Variants in TECPR2 observed in about 807,000 individuals in gnomAD.
TECPR2 encodes tectonin beta-propeller repeat-containing protein 2.
A neutral mutation model predicts 138.1 loss-of-function variants in TECPR2; 65 were observed. That is an observed-to-expected ratio of 0.47 (90% CI 0.39 to 0.58). TECPR2 has a LOEUF of 0.58. Among genes scored for constraint, TECPR2 ranks in the 20% least tolerant of loss-of-function variants. The pLI, the probability that TECPR2 is intolerant of heterozygous loss-of-function variation, is 0.00. For synonymous variants in TECPR2, 746 were observed against 749.8 expected (o/e 0.99, Z 0.08); for missense variants, 1,553 against 1,824.5 (o/e 0.85, Z 2.71).
At chr14:102,491,669 T>A (rs1455505471) in intron 17 of TECPR2, among the ~76,000 whole-genome samples, 1 of 152,146 alleles carries the variant, frequency 6.6e-6, no homozygotes, top group Non-Finnish European at 1.5e-5. Flanking sequence ...AACCCTGAGC[T>A]ACCCTCAGTT....
intron 2 of TECPR2, among the ~76,000 whole-genome samples, chr14:102,394,460 G>A (rs998718810): frequency 6.6e-6 from 1 of 152,042 alleles, no homozygotes; most frequent in Non-Finnish European, 1.5e-5. Context: ...AAATTAGCTG[G>A]GTGTGGTGGC....
Position 102,434,324 on chromosome 14 carries a change from G to C in TECPR2, c.1507G>C (p.Asp503His), listed in dbSNP as rs1237034369. Residue 503 changes from aspartate to histidine, a missense_variant, in exon 9 of 20, where the codon GAC becomes CAC. Coordinates refer to ENST00000359520, the MANE Select transcript of TECPR2 (RefSeq NM_014844.5). ...PGDSPQSLNT[D>H]LLSMTSSVLG... ...GGACAGTCCCCAGTCCTTGAACACA[G>C]ACTTGCTGTCGATGACCTCAAGTGT... 5.5e-6 allele frequency: 8 copies of C among 1,462,278 alleles called. No individual in the cohort carries two copies. The highest frequency in any genetic ancestry group is 1.7e-5 in the South Asian group (1 of 59,810). The allele number at this position is 1,462,278 out of a possible 1,614,324, so 90.6% of individuals were successfully genotyped here. A position where few individuals can be genotyped will look rare whatever the true frequency, so the allele number is the denominator to read the frequency against.
At chr14:102,413,697 A>G (rs1888945520) in intron 4 of TECPR2, among the ~76,000 whole-genome samples, 1 of 152,156 alleles carries the variant, frequency 6.6e-6, no homozygotes, top group Non-Finnish European at 1.5e-5. Context: ...CTTTTCTGTA[A>G]AAGTAACTTA....
rs145808640 is a variant in TECPR2 at position 102,420,619 on chromosome 14, C to T, written c.639-4360C>T. On this transcript the variant is annotated intron_variant, in intron 5 of 19. Coordinates refer to ENST00000359520, the MANE Select transcript of TECPR2 (RefSeq NM_014844.5). The surrounding 1 kb of genome is among the most constrained non-coding windows in gnomAD (Gnocchi z 4.1). ...TCCCGAGTAACTAGGACTACAGGCACGCACCACCATGCCTGGCTAAATTTT... is the reference window on the plus strand; with the variant it reads ...TCCCGAGTAACTAGGACTACAGGCATGCACCACCATGCCTGGCTAAATTTT... Among the ~76,000 whole-genome samples, 10 of 152,250 alleles carry T rather than the reference C, an allele frequency of 6.6e-5. No individual in the cohort carries two copies. The highest frequency in any genetic ancestry group is 2.1e-4 in the South Asian group (1 of 4,828).
chr14:102,480,765 A>G (rs1196383273), intron 17 of TECPR2, among the ~76,000 whole-genome samples: 1 of 103,442 alleles, frequency 9.7e-6, no homozygotes, highest in Non-Finnish European at 2.0e-5. Context: ...TGATCCTCCC[A>G]CCCCTCAGCC....
chr14:102,439,208 C>T (rs1286759944), intron 10 of TECPR2, among the ~76,000 whole-genome samples: 2 of 151,984 alleles, frequency 1.3e-5, no homozygotes, highest in Non-Finnish European at 2.9e-5. Flanking sequence ...TCGGCACCTA[C>T]GCCAGTGGGG....
chr14:102,418,792 G>A (rs899447470), intron 5 of TECPR2, among the ~76,000 whole-genome samples: 5 of 152,208 alleles, frequency 3.3e-5, no homozygotes, highest in Non-Finnish European at 7.3e-5. Context: ...GGCGGGGTTG[G>A]TGGTCGGACT....
At chr14:102,457,151 C>G (rs973725560) in intron 16 of TECPR2, among the ~76,000 whole-genome samples, 2 of 151,998 alleles carry the variant, frequency 1.3e-5, no homozygotes, top group African/African-American at 4.8e-5. Context: ...GTGACACAAT[C>G]TTGGCTGACT....
chr14:102,388,595 G>A (rs765798817), intron 2 of TECPR2, among the ~76,000 whole-genome samples: 15 of 152,018 alleles, frequency 9.9e-5, no homozygotes, highest in Non-Finnish European at 1.2e-4. Context: ...TTGGGAGGCC[G>A]AGGCAGGAGG....
intron 4 of TECPR2, among the ~76,000 whole-genome samples, chr14:102,410,447 G>C (rs538331188): frequency 7.5e-6 from 1 of 133,214 alleles, no homozygotes; most frequent in African/African-American, 2.8e-5. Context: ...AAACACCCAA[G>C]AATTATCAAT....
intron 17 of TECPR2, 77 bp downstream of exon 17, chr14:102,465,366 ATCTGCACAG>A: frequency 6.4e-7 from 1 of 1,574,428 alleles, no homozygotes; most frequent in Non-Finnish European, 8.6e-7. Context: ...GGGAAAAAGG[ATCTGCACAG>A]CCTCTAGAGG....
At chr14:102,433,494 TTTTATTTA>T (rs10667656) in intron 8 of TECPR2, among the ~76,000 whole-genome samples, 15 of 150,102 alleles carry the variant, frequency 1.0e-4, no homozygotes, top group South Asian at 6.4e-4. Flanking sequence ...CATTCTTTAT[TTTTATTTA>T]TTTATTTATT....
At chr14:102,438,323 T>C in intron 10 of TECPR2, 118 bp downstream of exon 10, 1 of 1,309,488 alleles carries the variant, frequency 7.6e-7, no homozygotes, top group South Asian at 1.5e-5. Flanking sequence ...GGGCTCACGC[T>C]GCCGTGCGTT....
chr14:102,399,263 AAAAAC>A (rs1270369715), intron 2 of TECPR2, among the ~76,000 whole-genome samples: 4 of 152,244 alleles, frequency 2.6e-5, no homozygotes, highest in Non-Finnish European at 4.4e-5. Context: ...ATCTGTCTCA[AAAAAC>A]AAAACAAAAC....
chr14:102,362,974 G>T lies in TECPR2; in HGVS notation c.-215G>T. On this transcript the variant is annotated 5_prime_UTR_variant, in exon 1 of 20. Coordinates refer to ENST00000359520, the MANE Select transcript of TECPR2 (RefSeq NM_014844.5). ...CTCTGCCGCTCTAGCCCCCGGCGGA[G>T]CCAGCTGCTGCTCTTCGGTGCTGGC... The T allele has an allele frequency of 7.6e-7, 1 of 1,311,410 alleles. No homozygotes were observed. Among genetic ancestry groups the T allele is most frequent in the Non-Finnish European group, 1.1e-6 (1 of 933,886 alleles). 81.2% of individuals were successfully genotyped at this position (1,311,410 alleles called of 1,614,324 possible).
At chr14:102,481,706 C>T (rs190915759) in intron 17 of TECPR2, among the ~76,000 whole-genome samples, 33 of 152,332 alleles carry the variant, frequency 2.2e-4, no homozygotes, top group African/African-American at 5.3e-4. Flanking sequence ...GCCAATTTTG[C>T]CCTCTCTGGA....
intron 1 of TECPR2, among the ~76,000 whole-genome samples, chr14:102,365,938 C>T (rs1230650303): frequency 6.6e-6 from 1 of 152,174 alleles, no homozygotes; most frequent in African/African-American, 2.4e-5. Flanking sequence ...AGTCTCATTA[C>T]GTTCCTCCTT....
At chr14:102,448,021 T>C (rs1213589069) in intron 13 of TECPR2, among the ~76,000 whole-genome samples, 1 of 152,262 alleles carries the variant, frequency 6.6e-6, no homozygotes, top group Non-Finnish European at 1.5e-5. Flanking sequence ...TATATACAGA[T>C]GTATCTAATT....
At chr14:102,378,151 TCCA>T (rs1887691422) in intron 2 of TECPR2, among the ~76,000 whole-genome samples, 2 of 152,234 alleles carry the variant, frequency 1.3e-5, no homozygotes, top group African/African-American at 4.8e-5. Flanking sequence ...AGTTGTGGCT[TCCA>T]CCACATGGGA....
Sources: allele counts gnomAD v4.1 joint callset (sites outside exome capture counted in the v4.1 genomes callset), GRCh38; gene constraint gnomAD v4.1.1; non-coding constraint Gnocchi (gnomAD v3.1); transcripts MANE v1.5; gene names NCBI Gene and HGNC (gene_info 2026-07-23, HGNC 2026-07-21).